The following SCHIP1 variants were observed in gnomAD, a reference collection of about 807,000 sequenced individuals.
SCHIP1 encodes the protein schwannomin interacting protein 1.
In SCHIP1, 8 loss-of-function variants were observed where a neutral mutation model predicts 29.7. The observed-to-expected ratio is 0.27, with a 90% CI of 0.16 to 0.49. The LOEUF (loss-of-function observed/expected upper bound fraction) is 0.49, where lower values mean the gene tolerates loss of function less well. Among genes scored for constraint, SCHIP1 ranks in the 20% least tolerant of loss-of-function variants. The pLI is 0.99. For synonymous variants in SCHIP1, 76 were observed against 94.9 expected (o/e 0.80, Z 1.16); for missense variants, 193 against 294.6 (o/e 0.66, Z 2.52).
At chr3:159,797,567 T>C in the SCHIP1 span, among the ~76,000 whole-genome samples, 1 of 146,792 alleles carries the variant, frequency 6.8e-6, no homozygotes, top group Admixed American at 6.7e-5. Context: ...AGCAAGCAAA[T>C]TTAAAGATCT....
chr3:159,281,606 G>A, the SCHIP1 span, among the ~76,000 whole-genome samples: 7 of 152,120 alleles, frequency 4.6e-5, no homozygotes, highest in Admixed American at 6.5e-5. Flanking sequence ...ACATTTTAGA[G>A]CAAAGTACAG....
chr3:159,879,741 G>T (rs1223851182), intron 2 of SCHIP1, among the ~76,000 whole-genome samples: 1 of 152,164 alleles, frequency 6.6e-6, no homozygotes, highest in African/African-American at 2.4e-5. Context: ...GGTCATTAGT[G>T]AAGGAAATGG....
At chr3:159,284,788 C>T in the SCHIP1 span, among the ~76,000 whole-genome samples, 5 of 152,064 alleles carry the variant, frequency 3.3e-5, no homozygotes, top group South Asian at 2.1e-4. Context: ...TGAGCCACCA[C>T]GCCTGGCCAA....
the SCHIP1 span, among the ~76,000 whole-genome samples, chr3:159,489,946 A>AGTG: frequency 6.6e-6 from 1 of 152,108 alleles, no homozygotes; most frequent in Non-Finnish European, 1.5e-5. Context: ...AATACACACC[A>AGTG]AATTATCAGC....
the SCHIP1 span, among the ~76,000 whole-genome samples, chr3:159,546,572 C>A: frequency 6.6e-6 from 1 of 152,054 alleles, no homozygotes; most frequent in Admixed American, 6.6e-5. Flanking sequence ...TCCTTCCTCT[C>A]CCCACCTACC....
intron 2 of SCHIP1, among the ~76,000 whole-genome samples, chr3:159,878,450 C>G (rs1450702769): frequency 6.6e-6 from 1 of 150,898 alleles, no homozygotes; most frequent in Non-Finnish European, 1.5e-5. Context: ...CCCCTGCACT[C>G]CAGCCTGGGC....
the SCHIP1 span, among the ~76,000 whole-genome samples, chr3:159,639,050 G>T: frequency 3.3e-5 from 5 of 151,866 alleles, no homozygotes; most frequent in Non-Finnish European, 7.4e-5. Flanking sequence ...ATTCTCAACT[G>T]CTTATTAAAA....
chr3:159,720,146 C>T, the SCHIP1 span, among the ~76,000 whole-genome samples: 5 of 147,520 alleles, frequency 3.4e-5, no homozygotes, highest in African/African-American at 1.0e-4. Context: ...CCAAACACCG[C>T]ATGTTCTCAC....
At chr3:159,773,704 T>C in the SCHIP1 span, among the ~76,000 whole-genome samples, 1 of 152,260 alleles carries the variant, frequency 6.6e-6, no homozygotes, top group Non-Finnish European at 1.5e-5. Flanking sequence ...AGAACAATTA[T>C]AAAATTGCTT....
chr3:159,310,153 A>G, the SCHIP1 span, among the ~76,000 whole-genome samples: 1 of 152,136 alleles, frequency 6.6e-6, no homozygotes, highest in Non-Finnish European at 1.5e-5. Context: ...AAACCAAGAC[A>G]GTCTTTCTGC....
chr3:159,390,778 G>C, the SCHIP1 span, among the ~76,000 whole-genome samples: 1 of 152,096 alleles, frequency 6.6e-6, no homozygotes, highest in Non-Finnish European at 1.5e-5. Context: ...TGAGGCAGAA[G>C]TGAAGGCACA....
the SCHIP1 span, among the ~76,000 whole-genome samples, chr3:159,559,955 A>G: frequency 1.3e-5 from 2 of 152,216 alleles, no homozygotes; most frequent in Non-Finnish European, 2.9e-5. Flanking sequence ...ATTCTATTGC[A>G]TAAGTCATCT....
At chr3:159,764,794 G>A in the SCHIP1 span, 2 of 1,566,922 alleles carry the variant, frequency 1.3e-6, no homozygotes. This position sits in a 1 kb window ranked among gnomAD's most constrained non-coding sequence, Gnocchi z 6.1. Context: ...GGGCAGGAGC[G>A]CCACCACCGC....
At chr3:159,388,343 T>G in the SCHIP1 span, among the ~76,000 whole-genome samples, 1 of 151,894 alleles carries the variant, frequency 6.6e-6, no homozygotes, top group African/African-American at 2.4e-5. Flanking sequence ...AGCCAGAAAT[T>G]TAAAATGCCA....
the SCHIP1 span, among the ~76,000 whole-genome samples, chr3:159,633,124 C>T: frequency 6.6e-6 from 1 of 152,178 alleles, no homozygotes; most frequent in Non-Finnish European, 1.5e-5. Context: ...TTAAACTCTG[C>T]AGTCTCATAA....
intron 1 of SCHIP1, among the ~76,000 whole-genome samples, chr3:159,856,145 G>A (rs1266507350): frequency 6.6e-6 from 1 of 152,188 alleles, no homozygotes. Flanking sequence ...CCACAGAGCT[G>A]ATTGTCTTCA....
the SCHIP1 span, among the ~76,000 whole-genome samples, chr3:159,432,412 G>A: frequency 6.6e-6 from 1 of 151,218 alleles, no homozygotes. Context: ...CTTGAAGGAA[G>A]TCACAAATTA....
At chr3:159,543,411 C>T in the SCHIP1 span, among the ~76,000 whole-genome samples, 2 of 133,088 alleles carry the variant, frequency 1.5e-5, no homozygotes, top group Non-Finnish European at 3.2e-5. Flanking sequence ...TGTCCCCCTT[C>T]CTGTGTCCAT....
chr3:159,819,225 G>A, the SCHIP1 span, among the ~76,000 whole-genome samples: 3 of 152,224 alleles, frequency 2.0e-5, no homozygotes, highest in African/African-American at 7.2e-5. Flanking sequence ...GAGAAAGAAA[G>A]AGTGTGGGAG....
Sources: gnomAD v4.1 joint callset for allele counts (sites outside exome capture counted in the v4.1 genomes callset) on GRCh38, gnomAD v4.1.1 for gene constraint, Gnocchi (gnomAD v3.1) non-coding constraint, MANE v1.5 for transcripts, NCBI Gene and HGNC (gene_info 2026-07-23, HGNC 2026-07-21) for gene names.